ADAMTSL1: variants seen among roughly 807,000 people sequenced by gnomAD.
ADAMTSL1 encodes ADAMTS-like protein 1.
Under a neutral mutation model 201.8 loss-of-function variants are expected in ADAMTSL1, and 126 were observed. That is an observed-to-expected ratio of 0.62 (90% CI 0.54 to 0.72). ADAMTSL1 has a LOEUF of 0.72. Among genes scored for constraint, ADAMTSL1 ranks in the 30% least tolerant of loss-of-function variants. ADAMTSL1 has a pLI of 0.00. For synonymous variants in ADAMTSL1, 1,121 were observed against 903.4 expected (o/e 1.24, Z -4.32); for missense variants, 2,679 against 2,277.8 (o/e 1.18, Z -3.59).
chr9:18,489,508 A>G lies in ADAMTSL1; in HGVS notation c.63+15213A>G, dbSNP rs112203416. Among the ~76,000 whole-genome samples the G allele has an allele frequency of 2.0e-4, 30 of 152,332 alleles. 1 individual carries two copies. The highest frequency in any genetic ancestry group is 6.5e-4 in the African/African-American group (27 of 41,596). ...GAAGTATAATGCACCAGCCACTTCA[A>G]TGTATACACTTTTCATTCAAAAAAT... On this transcript the variant is annotated intron_variant, in intron 1 of 28. Transcript: ENST00000380548.
chr9:18,054,253 T>A (rs1822070045), intron 1 of ADAMTSL1, among the ~76,000 whole-genome samples: 1 of 152,200 alleles, frequency 6.6e-6, no homozygotes, highest in Non-Finnish European at 1.5e-5. Context: ...AAAGAATAAA[T>A]TTACACGCAA....
At chr9:17,920,389 A>C (rs896988280) in intron 1 of ADAMTSL1, among the ~76,000 whole-genome samples, 2 of 152,334 alleles carry the variant, frequency 1.3e-5, no homozygotes, top group Non-Finnish European at 2.9e-5. Context: ...CCTATTTCAT[A>C]GATTCCTCAA....
intron 1 of ADAMTSL1, among the ~76,000 whole-genome samples, chr9:18,494,680 T>C (rs1283429004): frequency 6.6e-6 from 1 of 152,246 alleles, no homozygotes; most frequent in Non-Finnish European, 1.5e-5. Context: ...TATGCTATGC[T>C]AATAACTTAG....
chr9:18,150,328 G>A (rs1422629809), intron 1 of ADAMTSL1, among the ~76,000 whole-genome samples: 1 of 152,042 alleles, frequency 6.6e-6, no homozygotes, highest in Non-Finnish European at 1.5e-5. Flanking sequence ...TGGTGTCATG[G>A]AAAGGAAAGA....
chr9:18,618,427 T>G (rs971116163), intron 4 of ADAMTSL1, among the ~76,000 whole-genome samples: 2 of 151,958 alleles, frequency 1.3e-5, no homozygotes, highest in Admixed American at 6.6e-5. Flanking sequence ...ATATCAAGAT[T>G]AGTAAAACAC....
At chr9:18,141,367 G>A (rs1255197393) in intron 1 of ADAMTSL1, among the ~76,000 whole-genome samples, 1 of 152,132 alleles carries the variant, frequency 6.6e-6, no homozygotes, top group East Asian at 1.9e-4. Flanking sequence ...TAAGAAAACA[G>A]CTCTGGACAC....
chr9:18,626,865 T>TTCTG (rs543416245), intron 5 of ADAMTSL1, among the ~76,000 whole-genome samples: 2 of 145,444 alleles, frequency 1.4e-5, no homozygotes, highest in Admixed American at 1.4e-4. Context: ...CTTTCTTTCT[T>TTCTG]TCTGTCTTTC....
intron 1 of ADAMTSL1, among the ~76,000 whole-genome samples, chr9:18,109,780 C>T (rs1447213838): frequency 1.3e-5 from 2 of 152,180 alleles, no homozygotes; most frequent in Non-Finnish European, 2.9e-5. Context: ...GGCACCAGGT[C>T]TTGCAATTGC....
At chr9:18,846,841 A>G (rs912278573) in intron 23 of ADAMTSL1, among the ~76,000 whole-genome samples, 5 of 152,214 alleles carry the variant, frequency 3.3e-5, no homozygotes, top group African/African-American at 9.7e-5. Flanking sequence ...ATGAGAAGGG[A>G]AACATCAGCC....
intron 23 of ADAMTSL1, among the ~76,000 whole-genome samples, chr9:18,865,223 ATG>A (rs773260100): frequency 4.6e-5 from 7 of 151,152 alleles, no homozygotes; most frequent in Non-Finnish European, 8.8e-5. Context: ...CCGGTGTGTG[ATG>A]TTCCCCTTCC....
At chr9:18,584,807 GA>G (rs1425274760) in intron 4 of ADAMTSL1, among the ~76,000 whole-genome samples, 2 of 151,554 alleles carry the variant, frequency 1.3e-5, no homozygotes. Context: ...GGGCCTGAAA[GA>G]AAAAAAAGAT....
chr9:18,537,369 G>A (rs1309476235), intron 3 of ADAMTSL1, among the ~76,000 whole-genome samples: 2 of 152,204 alleles, frequency 1.3e-5, no homozygotes, highest in African/African-American at 2.4e-5. Flanking sequence ...TTAAGGAGTA[G>A]CAATCCAGAA....
chr9:18,628,930 C>G (rs1826564419), intron 5 of ADAMTSL1, among the ~76,000 whole-genome samples: 1 of 152,160 alleles, frequency 6.6e-6, no homozygotes, highest in East Asian at 1.9e-4. Flanking sequence ...CAGATGTAAT[C>G]ATAGCACACT....
chr9:18,569,766 A>G (rs1421017152), intron 3 of ADAMTSL1, among the ~76,000 whole-genome samples: 1 of 152,242 alleles, frequency 6.6e-6, no homozygotes. Context: ...GCAAAAATAT[A>G]TTAATACATG....
intron 1 of ADAMTSL1, among the ~76,000 whole-genome samples, chr9:18,122,532 C>T (rs1825546064): frequency 6.6e-6 from 1 of 152,152 alleles, no homozygotes; most frequent in Non-Finnish European, 1.5e-5. Context: ...TTTCATAGAT[C>T]TGATTCTACT....
intron 2 of ADAMTSL1, among the ~76,000 whole-genome samples, chr9:18,403,491 A>G (rs1339458314): frequency 1.3e-5 from 2 of 152,148 alleles, no homozygotes; most frequent in East Asian, 3.9e-4. Context: ...GCCCTTCCCC[A>G]TTTAATTTTA....
rs1349844999 is a variant in ADAMTSL1, at chr9:18,289,145, C to CTATG, written c.207+125167_207+125168insGTAT. Among the ~76,000 whole-genome samples, 692 of 101,716 alleles carry CTATG rather than the reference C, an allele frequency of 6.8e-3. 4 individuals are homozygous for CTATG. Among genetic ancestry groups the CTATG allele is most frequent in the African/African-American group, 0.023 (587 of 25,942 alleles). The allele number at this position is 101,716 out of a possible 152,430, so 66.7% of individuals were successfully genotyped here. ...TGTATATATATGTCTGTCTATCTAT[C>CTATG]TATCTATCTATCTATCTATCTATCT... is the stretch of plus-strand genomic sequence containing the variant. On this transcript the variant is annotated intron_variant, in intron 2 of 29. Transcript: ENST00000680146.
Position 18,848,287 on chromosome 9 carries a change from A to G in ADAMTSL1, c.4249+18310A>G, listed in dbSNP as rs116372255. Among the ~76,000 whole-genome samples, 892 of 152,348 alleles carry G rather than the reference A, an allele frequency of 5.9e-3. 11 individuals carry two copies. Among genetic ancestry groups the G allele is most frequent in the African/African-American group, 0.019 (793 of 41,594 alleles). On this transcript the variant is annotated intron_variant, in intron 23 of 28. Transcript: ENST00000380548. Reference sequence around the variant, plus strand: ...GACAAGGCATCAGTACTTTTAAAAAATGATTCTCAGGGATTGAGGAGATTT... The same window carrying G: ...GACAAGGCATCAGTACTTTTAAAAAGTGATTCTCAGGGATTGAGGAGATTT...
Position 18,099,554 on chromosome 9 carries a change from C to G in ADAMTSL1, c.88-64308C>G, listed in dbSNP as rs543416464. On this transcript the variant is annotated intron_variant, in intron 1 of 29. Transcript: ENST00000680146. ...TTCTTCAGGGACTAAATCTGTATGTCGAAATTTTTTTTACCTGTCTTCAAT... is the reference window on the plus strand; with the variant it reads ...TTCTTCAGGGACTAAATCTGTATGTGGAAATTTTTTTTACCTGTCTTCAAT... Among the ~76,000 whole-genome samples, 11 of 148,128 alleles carry G rather than the reference C, an allele frequency of 7.4e-5. No homozygotes were observed. The East Asian group carries it at 1.2e-3, about 16-fold the overall frequency.
Sources: gnomAD v4.1 joint callset for allele counts (sites outside exome capture counted in the v4.1 genomes callset) on GRCh38, gnomAD v4.1.1 for gene constraint, MANE v1.5 for transcripts, NCBI Gene and HGNC (gene_info 2026-07-23, HGNC 2026-07-21) for gene names.